CALN1: variants seen among roughly 807,000 people sequenced by gnomAD.
The protein encoded by CALN1 is calcium-binding protein 8.
A neutral mutation model predicts 30.6 loss-of-function variants in CALN1; 17 were observed. The observed-to-expected ratio is 0.56, with a 90% CI of 0.38 to 0.83. The LOEUF (loss-of-function observed/expected upper bound fraction) is 0.83. CALN1 is among the 40% of genes least tolerant of loss of function. The probability of loss-of-function intolerance (pLI) is 0.00; values close to 1 mark genes in which losing one functional copy is unlikely to be tolerated. For missense variants in CALN1, 291 were observed against 354.9 expected (o/e 0.82, Z 1.45); for synonymous variants, 156 against 131.4 (o/e 1.19, Z -1.28).
intron 4 of CALN1, among the ~76,000 whole-genome samples, chr7:72,053,149 G>A (rs1802947263): frequency 6.6e-6 from 1 of 152,182 alleles, no homozygotes; most frequent in Non-Finnish European, 1.5e-5. Context: ...AGAATCGCTT[G>A]AGCCCAGGAG....
intron 5 of CALN1, among the ~76,000 whole-genome samples, chr7:71,983,385 T>C (rs914607480): frequency 1.3e-5 from 2 of 152,080 alleles, no homozygotes; most frequent in Non-Finnish European, 2.9e-5. Context: ...ACCAATGATA[T>C]AGAAAACACA....
chr7:72,404,389 C>T (rs886397566), intron 1 of CALN1, among the ~76,000 whole-genome samples: 1 of 152,198 alleles, frequency 6.6e-6, no homozygotes, highest in African/African-American at 2.4e-5. Context: ...TGTCAGTTCT[C>T]TTTGGTTTCA....
chr7:72,175,544 G>C (rs1421373709), intron 3 of CALN1, among the ~76,000 whole-genome samples: 1 of 152,136 alleles, frequency 6.6e-6, no homozygotes, highest in Non-Finnish European at 1.5e-5. Flanking sequence ...TATACTGGTG[G>C]CATTTGGAGA....
chr7:72,366,663 G>C (rs187652823), intron 2 of CALN1, among the ~76,000 whole-genome samples: 175 of 152,058 alleles, frequency 1.2e-3, no homozygotes, highest in Middle Eastern at 6.8e-3. Flanking sequence ...AGTCTCTAAA[G>C]TTCACATATA....
chr7:72,197,174 T>G (rs1299308730), intron 3 of CALN1, among the ~76,000 whole-genome samples: 1 of 128,602 alleles, frequency 7.8e-6, no homozygotes, highest in African/African-American at 2.8e-5. Flanking sequence ...AAATGGAAGG[T>G]TTGCTTTTTT....
At chr7:72,274,557 G>A (rs1352560404) in intron 3 of CALN1, among the ~76,000 whole-genome samples, 1 of 149,756 alleles carries the variant, frequency 6.7e-6, no homozygotes, top group African/African-American at 2.4e-5. Context: ...ATAGCATTAA[G>A]AAAACTATTC....
At chr7:71,847,833 A>AGGAGAG (rs1562835904) in intron 5 of CALN1, among the ~76,000 whole-genome samples, 1 of 98,984 alleles carries the variant, frequency 1.0e-5, no homozygotes, top group Non-Finnish European at 1.9e-5. Context: ...GAGAAGGAGA[A>AGGAGAG]GGAGAAGGAG....
intron 4 of CALN1, among the ~76,000 whole-genome samples, chr7:72,043,769 AG>A (rs1215873909): frequency 2.6e-5 from 4 of 152,240 alleles, no homozygotes; most frequent in African/African-American, 9.6e-5. Flanking sequence ...AAAGAGGTAA[AG>A]GGGTTGTATT....
chr7:72,465,869 T>C, the CALN1 span, among the ~76,000 whole-genome samples: 1 of 152,024 alleles, frequency 6.6e-6, no homozygotes, highest in African/African-American at 2.4e-5. Context: ...AGGCTCCAGG[T>C]CTCCCCTGAC....
chr7:71,875,301 C>T (rs148827370), intron 5 of CALN1, among the ~76,000 whole-genome samples: 214 of 152,158 alleles, frequency 1.4e-3, no homozygotes, highest in African/African-American at 4.6e-3. Flanking sequence ...GACAAACCAC[C>T]CTGAAGTATG....
chr7:72,385,712 C>T (rs1012802582), intron 2 of CALN1, among the ~76,000 whole-genome samples: 2 of 152,106 alleles, frequency 1.3e-5, no homozygotes, highest in Admixed American at 6.6e-5. Context: ...CCCTGCTGTT[C>T]TTGTGATAGT....
chr7:72,314,473 T>A (rs1585453860), intron 2 of CALN1, among the ~76,000 whole-genome samples: 1 of 151,454 alleles, frequency 6.6e-6, no homozygotes. Context: ...ACCCAGGCTG[T>A]AGTGCAGTGG....
intron 5 of CALN1, among the ~76,000 whole-genome samples, chr7:71,946,293 T>C (rs1406992084): frequency 6.6e-6 from 1 of 152,054 alleles, no homozygotes; most frequent in East Asian, 1.9e-4. Context: ...CTAATTCTTA[T>C]AGAAATAGTG....
intron 2 of CALN1, among the ~76,000 whole-genome samples, chr7:72,384,941 C>G (rs1161032149): frequency 6.6e-6 from 1 of 151,946 alleles, no homozygotes; most frequent in Non-Finnish European, 1.5e-5. Context: ...ACTAAGAAAT[C>G]TTAAAACTCA....
At chr7:72,111,645 G>A (rs1259037440) in intron 3 of CALN1, among the ~76,000 whole-genome samples, 2 of 151,926 alleles carry the variant, frequency 1.3e-5, no homozygotes, top group Admixed American at 6.6e-5. Context: ...ACAGGGTCTC[G>A]CCATGTTGCC....
intron 6 of CALN1, among the ~76,000 whole-genome samples, chr7:71,807,343 A>T (rs1787680811): frequency 6.6e-6 from 1 of 152,156 alleles, no homozygotes; most frequent in African/African-American, 2.4e-5. Flanking sequence ...CTCTTCCTAG[A>T]CACCTCTGCC....
At chr7:72,166,700 G>T (rs1347382983) in intron 3 of CALN1, among the ~76,000 whole-genome samples, 1 of 152,324 alleles carries the variant, frequency 6.6e-6, no homozygotes, top group South Asian at 2.1e-4. Flanking sequence ...TTCTTCAAAG[G>T]CTATGAATAG....
intron 1 of CALN1, among the ~76,000 whole-genome samples, chr7:72,410,936 A>AT (rs369469581): frequency 6.6e-6 from 1 of 151,796 alleles, no homozygotes; most frequent in African/African-American, 2.4e-5. Context: ...AATTAGAGGC[A>AT]TAAGATGGGA....
chr7:72,144,223 G>A (rs1810177895), intron 3 of CALN1, among the ~76,000 whole-genome samples: 1 of 152,080 alleles, frequency 6.6e-6, no homozygotes, highest in South Asian at 2.1e-4. Flanking sequence ...GCTGTATTCA[G>A]GAAACCCATC....
Sources: allele counts gnomAD v4.1 joint callset (sites outside exome capture counted in the v4.1 genomes callset), GRCh38; gene constraint gnomAD v4.1.1; transcripts MANE v1.5; gene names NCBI Gene and HGNC (gene_info 2026-07-23, HGNC 2026-07-21).